Variants in SERGEF observed in about 807,000 individuals in gnomAD.
The protein encoded by SERGEF is secretion-regulating guanine nucleotide exchange factor.
Under a neutral mutation model 50.0 loss-of-function variants are expected in SERGEF, and 51 were observed. The ratio of observed to expected loss-of-function variants is 1.02; its 90% CI spans 0.81 to 1.29. The LOEUF is 1.29. Among genes scored for constraint, SERGEF ranks in the 50% most tolerant of loss-of-function variants. SERGEF has a pLI of 0.00. For missense variants in SERGEF, 521 were observed against 557.0 expected, an observed-to-expected ratio of 0.94 and a Z score of 0.65; for synonymous variants, 205 against 212.4, an observed-to-expected ratio of 0.97 and a Z score of 0.30.
chr11:17,996,574 G>C (rs556714066), intron 5 of SERGEF, among the ~76,000 whole-genome samples: 1 of 142,344 alleles, frequency 7.0e-6, no homozygotes, highest in East Asian at 2.1e-4. Context: ...TCATACAAAT[G>C]CAAATATGAA....
intron 9 of SERGEF, among the ~76,000 whole-genome samples, chr11:17,917,114 C>T (rs1256807304): frequency 6.6e-6 from 1 of 152,232 alleles, no homozygotes; most frequent in Admixed American, 6.5e-5. Flanking sequence ...GATACTTGCA[C>T]ATGCATGTTT....
chr11:17,878,342 G>A (rs1374797999), intron 9 of SERGEF, 98 bp from the exon 10 acceptor site: 9 of 948,800 alleles, frequency 9.5e-6, no homozygotes, highest in African/African-American at 6.8e-5. Context: ...ATCCATTTTT[G>A]GCAAAATTTA....
At chr11:17,829,476 C>T (rs1169547888) in intron 10 of SERGEF, among the ~76,000 whole-genome samples, 1 of 152,154 alleles carries the variant, frequency 6.6e-6, no homozygotes, top group African/African-American at 2.4e-5. Flanking sequence ...ACTTTAAAGT[C>T]TGATTCATTA....
At chr11:17,951,978 C>T (rs984447778) in intron 9 of SERGEF, among the ~76,000 whole-genome samples, 5 of 152,172 alleles carry the variant, frequency 3.3e-5, no homozygotes, top group Non-Finnish European at 7.4e-5. Context: ...CTGCCCTAAT[C>T]TCATCACTCC....
intron 9 of SERGEF, among the ~76,000 whole-genome samples, chr11:17,899,973 T>TA (rs1238965121): frequency 6.8e-6 from 1 of 147,644 alleles, no homozygotes; most frequent in Non-Finnish European, 1.5e-5. Flanking sequence ...AAAAACTAAA[T>TA]AAAAAATTAA....
At chr11:17,823,583 A>C (rs1850122837) in intron 10 of SERGEF, among the ~76,000 whole-genome samples, 1 of 152,150 alleles carries the variant, frequency 6.6e-6, no homozygotes, top group Non-Finnish European at 1.5e-5. Flanking sequence ...AGGTATTGGC[A>C]AACGGGGGAA....
rs533290770 is a variant in SERGEF, at chr11:17,895,333, A to G, written c.1012-17089T>C. 7.9e-5 allele frequency among the ~76,000 whole-genome samples: 12 copies of G among 152,378 alleles called. No homozygotes were observed. In the South Asian group the frequency reaches 2.5e-3, roughly 32 times the overall value. ...TGACAGAGAGATCAAAGCTTATCAT[A>G]GCAAGTGTATACAATATAACATTGA... On this transcript the variant is annotated intron_variant, in intron 9 of 10. Coordinates refer to ENST00000265965, the MANE Select transcript of SERGEF (RefSeq NM_012139.4).
chr11:17,963,364 TAAAAAAAAAAA>T (rs1174880141), intron 8 of SERGEF, among the ~76,000 whole-genome samples: 4 of 49,892 alleles, frequency 8.0e-5, no homozygotes, highest in African/African-American at 1.5e-4. Flanking sequence ...TTACTATTAG[TAAAAAAAAAAA>T]AAAAAAAAAA....
intron 10 of SERGEF, among the ~76,000 whole-genome samples, chr11:17,806,324 G>A (rs1244156637): frequency 6.6e-6 from 1 of 152,212 alleles, no homozygotes; most frequent in Non-Finnish European, 1.5e-5. Context: ...CATTTATGTG[G>A]AAAATAACTA....
chr11:17,882,643 C>A (rs1355269369), intron 9 of SERGEF, among the ~76,000 whole-genome samples: 1 of 152,082 alleles, frequency 6.6e-6, no homozygotes, highest in African/African-American at 2.4e-5. Flanking sequence ...TCTTTCTGCA[C>A]ACAATCTAAG....
chr11:17,975,904 C>G (rs1328629310), intron 8 of SERGEF, among the ~76,000 whole-genome samples: 1 of 152,168 alleles, frequency 6.6e-6, no homozygotes, highest in East Asian at 1.9e-4. Context: ...AGTATTCCTT[C>G]TGTTTGGAAT....
intron 9 of SERGEF, among the ~76,000 whole-genome samples, chr11:17,925,575 C>T (rs993492697): frequency 6.6e-6 from 1 of 152,154 alleles, no homozygotes; most frequent in Non-Finnish European, 1.5e-5. Flanking sequence ...AATGAGTAGG[C>T]AGCAATGGTG....
intron 8 of SERGEF, among the ~76,000 whole-genome samples, chr11:17,961,059 GA>G (rs1590219785): frequency 6.6e-6 from 1 of 152,144 alleles, no homozygotes; most frequent in East Asian, 1.9e-4. Flanking sequence ...GCTCTCCCCA[GA>G]AAGGGTGAAA....
chr11:17,933,637 A>G (rs950700752), intron 9 of SERGEF, among the ~76,000 whole-genome samples: 8 of 152,146 alleles, frequency 5.3e-5, no homozygotes, highest in African/African-American at 1.9e-4. Context: ...ATGAGACAGT[A>G]TCTATATTCC....
At chr11:17,854,328 G>T (rs68077051) in intron 10 of SERGEF, among the ~76,000 whole-genome samples, 25,062 of 152,098 alleles carry the variant, frequency 0.16, 2,340 homozygotes, top group Middle Eastern at 0.29. Context: ...AAGATGCCTA[G>T]TGTTCCACAG....
chr11:17,957,972 A>AT (rs2133969853), intron 9 of SERGEF, among the ~76,000 whole-genome samples: 1 of 152,350 alleles, frequency 6.6e-6, no homozygotes, highest in South Asian at 2.1e-4. Context: ...ACAAAAAGGA[A>AT]TGTAGCTGTT....
At chr11:17,811,499 C>G (rs1358082704) in intron 10 of SERGEF, among the ~76,000 whole-genome samples, 1 of 152,246 alleles carries the variant, frequency 6.6e-6, no homozygotes, top group African/African-American at 2.4e-5. Flanking sequence ...ACAGATTTAT[C>G]TAGTTCAAAA....
chr11:17,905,230 G>C (rs1851815991), intron 9 of SERGEF, among the ~76,000 whole-genome samples: 1 of 152,208 alleles, frequency 6.6e-6, no homozygotes, highest in African/African-American at 2.4e-5. Flanking sequence ...AAGCGAAAGA[G>C]ATGCTGTACA....
chr11:17,878,819 A>T (rs1189344775), intron 9 of SERGEF, among the ~76,000 whole-genome samples: 1 of 152,170 alleles, frequency 6.6e-6, no homozygotes, highest in Non-Finnish European at 1.5e-5. Context: ...CTCTTCCTCT[A>T]CCCAGAATGT....
Sources: allele counts gnomAD v4.1 joint callset (sites outside exome capture counted in the v4.1 genomes callset), GRCh38; gene constraint gnomAD v4.1.1; transcripts MANE v1.5; gene names NCBI Gene and HGNC (gene_info 2026-07-23, HGNC 2026-07-21).